Variants in ATG10 observed in about 807,000 individuals in gnomAD.
ATG10 encodes ubiquitin-like-conjugating enzyme ATG10.
ATG10 carries 30 observed loss-of-function variants against 32.1 expected under a neutral mutation model. That is an observed-to-expected ratio of 0.94 (90% CI 0.70 to 1.27). The LOEUF (loss-of-function observed/expected upper bound fraction) is 1.27, where lower values mean the gene tolerates loss of function less well. Among genes scored for constraint, ATG10 ranks in the 50% most tolerant of loss-of-function variants. The pLI, the probability that ATG10 is intolerant of heterozygous loss-of-function variation, is 0.00. For missense variants in ATG10, 233 were observed against 262.3 expected, an observed-to-expected ratio of 0.89 and a Z score of 0.77; for synonymous variants, 87 against 91.5, an observed-to-expected ratio of 0.95 and a Z score of 0.28.
intron 4 of ATG10, among the ~76,000 whole-genome samples, chr5:82,164,925 C>G (rs1437295680): frequency 6.6e-6 from 1 of 152,206 alleles, no homozygotes; most frequent in Non-Finnish European, 1.5e-5. Context: ...TCCTGTGCCT[C>G]CTTCCCCAAA....
intron 3 of ATG10, among the ~76,000 whole-genome samples, chr5:82,090,496 G>T (rs751795236): frequency 6.6e-6 from 1 of 152,158 alleles, no homozygotes; most frequent in Non-Finnish European, 1.5e-5. Flanking sequence ...AATGAATAGA[G>T]TCAGTCTTAC....
chr5:82,241,641 A>C (rs1746805672), intron 5 of ATG10, among the ~76,000 whole-genome samples: 1 of 151,990 alleles, frequency 6.6e-6, no homozygotes, highest in Non-Finnish European at 1.5e-5. Context: ...TCAAGGTGGA[A>C]ATACTCTTTT....
At chr5:82,059,735 C>T (rs796246475) in intron 3 of ATG10, among the ~76,000 whole-genome samples, 6 of 152,184 alleles carry the variant, frequency 3.9e-5, no homozygotes, top group African/African-American at 1.4e-4. Flanking sequence ...ACATCAGCCC[C>T]CTTGCCTGTA....
intron 2 of ATG10, among the ~76,000 whole-genome samples, chr5:82,004,179 A>G (rs1430281474): frequency 1.3e-5 from 2 of 152,168 alleles, no homozygotes; most frequent in Non-Finnish European, 2.9e-5. Flanking sequence ...TTATCACTTT[A>G]AGCCCCTAAT....
intron 3 of ATG10, among the ~76,000 whole-genome samples, chr5:82,106,256 G>A (rs145835671): frequency 2.0e-3 from 308 of 152,250 alleles, no homozygotes; most frequent in Middle Eastern, 6.8e-3. Flanking sequence ...ATCAAACAGC[G>A]TATGAAAAAT....
intron 3 of ATG10, among the ~76,000 whole-genome samples, chr5:82,139,441 G>A (rs1225087945): frequency 7.1e-6 from 1 of 141,064 alleles, no homozygotes; most frequent in Admixed American, 6.9e-5. Flanking sequence ...AGTGAGGAGC[G>A]TCTCTGCCCG....
At chr5:81,989,728 A>T (rs1021633072) in intron 2 of ATG10, among the ~76,000 whole-genome samples, 1 of 151,824 alleles carries the variant, frequency 6.6e-6, no homozygotes, top group African/African-American at 2.4e-5. Context: ...CTCTTCGAGT[A>T]GCTGGGACTA....
intron 4 of ATG10, among the ~76,000 whole-genome samples, chr5:82,172,149 G>T (rs1305996743): frequency 3.3e-5 from 5 of 152,156 alleles, no homozygotes; most frequent in Non-Finnish European, 7.3e-5. Flanking sequence ...GAAAATTCCA[G>T]ATACTCATAG....
intron 3 of ATG10, among the ~76,000 whole-genome samples, chr5:82,082,080 T>A (rs573386950): frequency 6.6e-6 from 1 of 152,296 alleles, no homozygotes; most frequent in South Asian, 2.1e-4. Flanking sequence ...GCCTCCATAA[T>A]TCAGTTACCT....
intron 3 of ATG10, among the ~76,000 whole-genome samples, chr5:82,065,967 T>C (rs1763931560): frequency 6.6e-6 from 1 of 151,976 alleles, no homozygotes; most frequent in African/African-American, 2.4e-5. Flanking sequence ...AGTTGAGAAA[T>C]AAGGTGTAAG....
At chr5:82,230,186 A>G (rs1746299621) in intron 5 of ATG10, among the ~76,000 whole-genome samples, 1 of 152,146 alleles carries the variant, frequency 6.6e-6, no homozygotes, top group Admixed American at 6.5e-5. Flanking sequence ...AGTCTATGTG[A>G]TGTTTTTGTG....
intron 3 of ATG10, among the ~76,000 whole-genome samples, chr5:82,059,102 C>A (rs1561278116): frequency 6.6e-6 from 1 of 152,106 alleles, no homozygotes; most frequent in Non-Finnish European, 1.5e-5. Flanking sequence ...TATGCTGGAT[C>A]TGGGTCTTAT....
intron 1 of ATG10, chr5:81,976,465 C>T (rs1206250842): frequency 6.6e-6 from 1 of 152,170 alleles, no homozygotes; most frequent in Non-Finnish European, 1.5e-5. Flanking sequence ...GCCCTGGGTT[C>T]CTACATAAAC....
chr5:82,018,589 A>C (rs1387491520), intron 2 of ATG10, among the ~76,000 whole-genome samples: 1 of 152,018 alleles, frequency 6.6e-6, no homozygotes, highest in Non-Finnish European at 1.5e-5. Flanking sequence ...TCTTTCTTTC[A>C]TCACAACTGT....
chr5:82,160,531 C>T (rs761990367), intron 3 of ATG10, among the ~76,000 whole-genome samples: 2 of 152,058 alleles, frequency 1.3e-5, no homozygotes, highest in Admixed American at 6.6e-5. Flanking sequence ...TGCAGTTGGT[C>T]GGTTGTGTGG....
At chr5:82,052,579 G>GT (rs1482451771) in intron 2 of ATG10, among the ~76,000 whole-genome samples, 1 of 152,072 alleles carries the variant, frequency 6.6e-6, no homozygotes, top group Non-Finnish European at 1.5e-5. Context: ...CACAAAAGAG[G>GT]TTTTACATTA....
chr5:82,210,007 C>A (rs1250723848), intron 5 of ATG10, among the ~76,000 whole-genome samples: 1 of 152,136 alleles, frequency 6.6e-6, no homozygotes, highest in African/African-American at 2.4e-5. Context: ...AGATCTAGAA[C>A]TTTTATTTAG....
chr5:82,031,810 G>T (rs980740372), intron 2 of ATG10, among the ~76,000 whole-genome samples: 2 of 152,232 alleles, frequency 1.3e-5, no homozygotes, highest in Non-Finnish European at 2.9e-5. Flanking sequence ...GATGATACCT[G>T]TTGTTTCTCC....
At chr5:82,020,271 G>T (rs879661840) in intron 2 of ATG10, among the ~76,000 whole-genome samples, 2 of 152,180 alleles carry the variant, frequency 1.3e-5, no homozygotes, top group Non-Finnish European at 2.9e-5. Flanking sequence ...AGCTGCTGAG[G>T]TTATGGGTTG....
Sources: allele counts gnomAD v4.1 joint callset (sites outside exome capture counted in the v4.1 genomes callset), GRCh38; gene constraint gnomAD v4.1.1; transcripts MANE v1.5; gene names NCBI Gene and HGNC (gene_info 2026-07-23, HGNC 2026-07-21).